The following JMJD1C variants were observed in gnomAD, a reference collection of about 807,000 sequenced individuals.
JMJD1C encodes the protein jumonji domain containing 1C, also known as jumonji domain-containing protein 1C.
JMJD1C carries 31 observed loss-of-function variants against 245.3 expected under a neutral mutation model. That is an observed-to-expected ratio of 0.13 (90% CI 0.09 to 0.17). The LOEUF is 0.17. Among genes scored for constraint, JMJD1C ranks in the 10% least tolerant of loss-of-function variants. JMJD1C has a pLI of 1.00. For missense variants in JMJD1C, 2,691 were observed against 3,000.2 expected, an observed-to-expected ratio of 0.90 and a Z score of 2.41; for synonymous variants, 1,057 against 1,017.4, an observed-to-expected ratio of 1.04 and a Z score of -0.74.
chr10:63,203,676 A>AGAAACAAAAAGGCAGCAGAGAG (rs1391306512), intron 10 of JMJD1C: 6 of 983,288 alleles, frequency 6.1e-6, no homozygotes, highest in East Asian at 1.1e-4. Flanking sequence ...TTTAATTAAG[A>AGAAACAAAAAGGCAGCAGAGAG]GAAACAAAAA....
intron 2 of JMJD1C, among the ~76,000 whole-genome samples, chr10:63,316,070 G>A (rs1038697126): frequency 1.3e-5 from 2 of 152,006 alleles, no homozygotes; most frequent in African/African-American, 4.8e-5. Context: ...TACTTGGGAG[G>A]GTAATGTGGG....
At chr10:63,394,733 A>C (rs1010149045) in intron 1 of JMJD1C, among the ~76,000 whole-genome samples, 2 of 152,008 alleles carry the variant, frequency 1.3e-5, no homozygotes, top group Non-Finnish European at 2.9e-5. Context: ...AATCCCAGCT[A>C]CTTGGGAGGC....
At chr10:63,351,326 G>C (rs1292506269) in intron 2 of JMJD1C, among the ~76,000 whole-genome samples, 1 of 152,076 alleles carries the variant, frequency 6.6e-6, no homozygotes, top group Non-Finnish European at 1.5e-5. Context: ...GACCTCAGGT[G>C]ATCCAGCCAC....
chr10:63,237,928 T>C (rs992983744), intron 3 of JMJD1C, among the ~76,000 whole-genome samples: 48 of 147,680 alleles, frequency 3.3e-4, no homozygotes, highest in African/African-American at 1.2e-3. Context: ...CCTAGCACTT[T>C]GGGAGACCAA....
chr10:63,176,519 G>A (rs755772073), intron 23 of JMJD1C, 46 bp from the exon 24 acceptor site: 4 of 1,386,528 alleles, frequency 2.9e-6, no homozygotes, highest in African/African-American at 2.9e-5. Context: ...GTAAGGAAAT[G>A]GTAAATCCTG....
chr10:63,397,226 T>C (rs984768233), intron 1 of JMJD1C, among the ~76,000 whole-genome samples: 33 of 152,224 alleles, frequency 2.2e-4, no homozygotes, highest in African/African-American at 7.7e-4. Context: ...TATTTTATTT[T>C]ATTTGAGACA....
intron 3 of JMJD1C, chr10:63,222,386 C>T (rs1848703128): frequency 5.2e-6 from 5 of 970,716 alleles, no homozygotes; most frequent in Non-Finnish European, 8.4e-6. Context: ...TGGATGTCAT[C>T]CTACAAGATG....
intron 2 of JMJD1C, among the ~76,000 whole-genome samples, chr10:63,267,462 TGTA>T (rs1355569331): frequency 2.6e-5 from 4 of 152,174 alleles, no homozygotes; most frequent in Non-Finnish European, 5.9e-5. Flanking sequence ...TGATGAAATT[TGTA>T]GTAAATAGTT....
chr10:63,499,812 C>T (rs1369583100), intron 1 of JMJD1C, among the ~76,000 whole-genome samples: 1 of 152,102 alleles, frequency 6.6e-6, no homozygotes, highest in East Asian at 1.9e-4. Flanking sequence ...TAAACATACA[C>T]AATATCAAAG....
At chr10:63,405,989 A>G (rs893937454) in intron 1 of JMJD1C, among the ~76,000 whole-genome samples, 1 of 152,204 alleles carries the variant, frequency 6.6e-6, no homozygotes, top group African/African-American at 2.4e-5. Flanking sequence ...AACAAACTAC[A>G]TTTTATAAGT....
At chr10:63,262,344 A>C (rs1013522303) in intron 3 of JMJD1C, among the ~76,000 whole-genome samples, 1 of 152,176 alleles carries the variant, frequency 6.6e-6, no homozygotes, top group African/African-American at 2.4e-5. Context: ...TATTTAAATA[A>C]ATAAATTTAA....
intron 2 of JMJD1C, among the ~76,000 whole-genome samples, chr10:63,286,721 C>T (rs746921196): frequency 6.6e-6 from 1 of 152,080 alleles, no homozygotes; most frequent in African/African-American, 2.4e-5. Context: ...TGGTATTTTG[C>T]AGAAGATATT....
At chr10:63,222,470 A>G (rs1251463959) in intron 3 of JMJD1C, 1 of 977,086 alleles carries the variant, frequency 1.0e-6, no homozygotes, top group East Asian at 2.4e-5. Context: ...CAATAAAGGG[A>G]AAGTTGTGGC....
intron 3 of JMJD1C, among the ~76,000 whole-genome samples, chr10:63,221,126 G>T (rs1053930480): frequency 4.6e-5 from 7 of 151,014 alleles, no homozygotes; most frequent in African/African-American, 1.7e-4. Flanking sequence ...AAAAAAAGTG[G>T]ACAGGCAGAT....
intron 2 of JMJD1C, among the ~76,000 whole-genome samples, chr10:63,287,881 G>C (rs528951035): frequency 6.6e-6 from 1 of 152,090 alleles, no homozygotes; most frequent in South Asian, 2.1e-4. Flanking sequence ...TCAAGTAGCT[G>C]GGATTACAGA....
intron 2 of JMJD1C, among the ~76,000 whole-genome samples, chr10:63,355,030 G>A (rs1444851267): frequency 2.0e-5 from 3 of 150,844 alleles, no homozygotes; most frequent in Non-Finnish European, 3.0e-5. Context: ...GTCAGGAAAA[G>A]AATAAACAAA....
chr10:63,512,478 AG>A (rs1954899810), intron 1 of JMJD1C, among the ~76,000 whole-genome samples: 2 of 152,158 alleles, frequency 1.3e-5, no homozygotes, highest in Admixed American at 6.5e-5. Context: ...ATAAAATTCT[AG>A]GTGGTGGGCT....
At chr10:63,177,344 C>G (rs927021124) in intron 23 of JMJD1C, 2 of 238,240 alleles carry the variant, frequency 8.4e-6, no homozygotes, top group African/African-American at 4.8e-5. Context: ...CTATCAGATT[C>G]AAAGAAAATA....
Position 63,194,266 on chromosome 10 carries a change from C to G in JMJD1C, c.5734+20G>C. 6.7e-7 allele frequency: 1 copy of G among 1,482,268 alleles called. No homozygotes were observed. The allele number at this position is 1,482,268 out of a possible 1,614,324, so 91.8% of individuals were successfully genotyped here. ...GGAGCAACCAAGAGCAGTTATATTA[C>G]ATGAAGAAGATATACTTACCAGAAC... On this transcript the variant is annotated intron_variant, in intron 14 of 25. Coordinates refer to ENST00000399262, the MANE Select transcript of JMJD1C (RefSeq NM_032776.3).
Sources: gnomAD v4.1 joint callset for allele counts (sites outside exome capture counted in the v4.1 genomes callset) on GRCh38, gnomAD v4.1.1 for gene constraint, MANE v1.5 for transcripts, NCBI Gene and HGNC (gene_info 2026-07-23, HGNC 2026-07-21) for gene names.